The following FUBP1 variants were observed in gnomAD, a reference collection of about 807,000 sequenced individuals.
FUBP1 encodes far upstream element-binding protein 1.
FUBP1 carries 16 observed loss-of-function variants against 94.9 expected under a neutral mutation model. That is an observed-to-expected ratio of 0.17 (90% CI 0.11 to 0.26). The LOEUF is 0.26. Among genes scored for constraint, FUBP1 ranks in the 10% least tolerant of loss-of-function variants. The pLI is 1.00. For synonymous variants in FUBP1, 279 were observed against 254.9 expected (o/e 1.09, Z -0.90); for missense variants, 583 against 808.6 (o/e 0.72, Z 3.38).
Position 77,948,170 on chromosome 1 carries a change from CAGAA to C in FUBP1, c.*592_*595del, listed in dbSNP as rs1652578080. On this transcript the variant is annotated 3_prime_UTR_variant, in exon 20 of 20. Transcript: ENST00000370768. ...TACACACATGCAGTTTTTAATCAAA[CAGAA>C]GGAAAAAAAATGAAGATATCAGGAT... 1 of 1,041,464 alleles carries C rather than the reference CAGAA, an allele frequency of 9.6e-7. No homozygotes were observed. Among genetic ancestry groups the C allele is most frequent in the Non-Finnish European group, 1.2e-6 (1 of 864,002 alleles). 64.5% of individuals were successfully genotyped at this position (1,041,464 alleles called of 1,614,324 possible). A position where few individuals can be genotyped will look rare whatever the true frequency, so the allele number is the denominator to read the frequency against.
chr1:77,975,127 G>C (rs1472270029), intron 1 of FUBP1, among the ~76,000 whole-genome samples: 2 of 152,120 alleles, frequency 1.3e-5, no homozygotes, highest in South Asian at 4.1e-4. Context: ...TCTGATCCAT[G>C]GTTGGCTGAA....
At chr1:77,976,757 T>A (rs1354052795) in intron 1 of FUBP1, among the ~76,000 whole-genome samples, 2 of 152,208 alleles carry the variant, frequency 1.3e-5, no homozygotes, top group Non-Finnish European at 2.9e-5. Flanking sequence ...CCTCCCAAAG[T>A]GCTGGGACTA....
At chr1:77,978,200 G>A (rs551184522) in intron 1 of FUBP1, among the ~76,000 whole-genome samples, 3 of 152,254 alleles carry the variant, frequency 2.0e-5, no homozygotes, top group East Asian at 3.9e-4. Flanking sequence ...GTGCCTTCAG[G>A]GCAAATGCAC....
rs1652210676 is a variant in FUBP1, at chr1:77,946,633, T to C, written c.*2133A>G. On this transcript the variant is annotated 3_prime_UTR_variant, in exon 20 of 20. Transcript: ENST00000370768. ...ATTAATAAAGATTTTAAACCTTAAATGAATCAAAATCAACAGCCTCCAATT... is the reference window on the plus strand; with the variant it reads ...ATTAATAAAGATTTTAAACCTTAAACGAATCAAAATCAACAGCCTCCAATT... 4.9e-6 allele frequency: 1 copy of C among 204,546 alleles called. No homozygotes were observed. Among genetic ancestry groups the C allele is most frequent in the Non-Finnish European group, 1.0e-5 (1 of 99,534 alleles). 12.7% of individuals were successfully genotyped at this position (204,546 alleles called of 1,614,324 possible).
chr1:77,977,568 G>T (rs986061669), intron 1 of FUBP1, among the ~76,000 whole-genome samples: 2 of 152,148 alleles, frequency 1.3e-5, no homozygotes, highest in African/African-American at 4.8e-5. Flanking sequence ...TACAGTGTGC[G>T]ATACCAATTA....
chr1:77,973,271 A>T (rs1657935440), intron 1 of FUBP1, among the ~76,000 whole-genome samples: 1 of 152,084 alleles, frequency 6.6e-6, no homozygotes, highest in Non-Finnish European at 1.5e-5. Context: ...TTTGAGATGG[A>T]GTCTCAAGAT....
At position 77,956,687 on chromosome 1, in the gene FUBP1, C is replaced by A; in HGVS notation, c.1590G>T (p.Thr530=). The A allele has an allele frequency of 1.9e-6, 3 of 1,611,734 alleles. No homozygotes were observed. Among genetic ancestry groups the A allele is most frequent in the Non-Finnish European group, 1.7e-6 (2 of 1,178,348 alleles). ...CAGCCCAAGCTGCTGAATTTGGATC[C>A]GTTCCTGCCTTAGCTAAAATAAATG... ...QAPPDPAKAG[T]DPNSAAWAAY... is the part of the protein sequence containing the mutation. The change falls in exon 17 of 20, where the codon ACG becomes ACT. Residue 530 remains threonine (T), a synonymous_variant. Coordinates refer to ENST00000370768, the MANE Select transcript of FUBP1 (RefSeq NM_003902.5).
In FUBP1 at chr1:77,960,379, T is replaced by C. The variant is rs766888088; in HGVS notation, c.1461A>G (p.Ala487=). Residue 487 remains alanine, a synonymous_variant, in exon 15 of 20, where the codon GCA becomes GCG. Transcript: ENST00000370768. Reference sequence around the variant, plus strand: ...GGCCTGGTGGTCCAGGATTATAAGGTGCAGGGTTGTATGGTCCCATTGGAG... The same window carrying C: ...GGCCTGGTGGTCCAGGATTATAAGGCGCAGGGTTGTATGGTCCCATTGGAG... ...PGTPMGPYNP[A]PYNPGPPGPA... 6.2e-7 allele frequency: 1 copy of C among 1,606,270 alleles called. No homozygotes were observed. Among genetic ancestry groups the C allele is most frequent in the Non-Finnish European group, 8.5e-7 (1 of 1,178,524 alleles).
chr1:77,958,428 A>C (rs1654866928), intron 16 of FUBP1, among the ~76,000 whole-genome samples: 1 of 152,230 alleles, frequency 6.6e-6, no homozygotes, highest in Non-Finnish European at 1.5e-5. Flanking sequence ...TGACCACTAC[A>C]TAAATCCATT....
At chr1:77,957,431 C>T (rs1385004229) in intron 16 of FUBP1, among the ~76,000 whole-genome samples, 1 of 152,164 alleles carries the variant, frequency 6.6e-6, no homozygotes, top group Non-Finnish European at 1.5e-5. Flanking sequence ...AATCACTATG[C>T]CCGTGTCTCG....
intron 1 of FUBP1, among the ~76,000 whole-genome samples, chr1:77,972,377 C>T: frequency 6.6e-6 from 1 of 152,236 alleles, no homozygotes; most frequent in East Asian, 1.9e-4. Context: ...AACTCCAAGA[C>T]ACTTCTATAC....
chr1:77,962,114 C>T (rs1250969495), intron 14 of FUBP1, among the ~76,000 whole-genome samples: 1 of 152,150 alleles, frequency 6.6e-6, no homozygotes, highest in African/African-American at 2.4e-5. Context: ...GCCTCACTTA[C>T]AAAAAAGCAG....
At position 77,964,905 on chromosome 1, in the gene FUBP1, GT is replaced by G. The variant is rs1446175276; in HGVS notation, c.699del (p.Lys233AsnfsTer20). The G allele has an allele frequency of 6.2e-7, 1 of 1,610,856 alleles. No homozygotes were observed. The highest frequency in any genetic ancestry group is 1.3e-5 in the African/African-American group (1 of 74,820). ...TATGGGTCTCCTGTAATCCTAAGAG[GT>G]TTGTCAGCACCAGTGTTCTGCGGCC... ...QDGPQNTGAD[K>X]PLRITGDPYK... On this transcript the variant is annotated frameshift_variant, in exon 9 of 20. Transcript: ENST00000370768. LOFTEE classifies it high-confidence loss of function.
Position 77,947,689 on chromosome 1 carries a change from G to T in FUBP1, c.*1077C>A. The T allele has an allele frequency of 1.7e-6, 1 of 580,790 alleles. No homozygotes were observed. The highest frequency in any genetic ancestry group is 1.9e-5 in the African/African-American group (1 of 53,196). 36.0% of individuals were successfully genotyped at this position (580,790 alleles called of 1,614,324 possible). On this transcript the variant is annotated 3_prime_UTR_variant, in exon 20 of 20. Coordinates refer to ENST00000370768, the MANE Select transcript of FUBP1 (RefSeq NM_003902.5). ...AGAACTTCAGCATGAGTGTTAAAGA[G>T]TAATAAAATGACTTCAAGTACATAA...
chr1:77,944,318 G>GAA lies in FUBP1; in HGVS notation c.*4446_*4447dup, dbSNP rs1004949086. On this transcript the variant is annotated 3_prime_UTR_variant, in exon 20 of 20. Coordinates refer to ENST00000370768, the MANE Select transcript of FUBP1 (RefSeq NM_003902.5). ...ACGAAAATGCATCGAGCATGCATAA[G>GAA]AAAATATATATATATATATGCGCAA... 13 of 195,152 alleles carry GAA rather than the reference G, an allele frequency of 6.7e-5. No homozygotes were observed. The highest frequency in any genetic ancestry group is 2.9e-4 in the African/African-American group (12 of 41,450). The allele number at this position is 195,152 out of a possible 1,614,324, so 12.1% of individuals were successfully genotyped here. A position where few individuals can be genotyped will look rare whatever the true frequency, so the allele number is the denominator to read the frequency against.
Position 77,946,816 on chromosome 1 carries a change from T to C in FUBP1, c.*1950A>G, listed in dbSNP as rs1652252540. 9.8e-6 allele frequency: 2 copies of C among 204,398 alleles called. No homozygotes were observed. The highest frequency in any genetic ancestry group is 1.9e-4 in the South Asian group (1 of 5,288). 12.7% of individuals were successfully genotyped at this position (204,398 alleles called of 1,614,324 possible). A position where few individuals can be genotyped will look rare whatever the true frequency, so the allele number is the denominator to read the frequency against. On this transcript the variant is annotated 3_prime_UTR_variant, in exon 20 of 20. Transcript: ENST00000370768. ...TTAAAGATAACAAATAGCTAACTCC[T>C]TAACTATTAAACTTCATACTAGAAC...
intron 12 of FUBP1, among the ~76,000 whole-genome samples, 154 bp downstream of exon 12, chr1:77,963,908 C>T (rs1360384204): frequency 2.6e-5 from 4 of 152,212 alleles, no homozygotes; most frequent in South Asian, 2.1e-4. Flanking sequence ...AGTAGTTCTT[C>T]CTGCTCCAAG....
At chr1:77,966,849 G>A (rs777574181) in intron 6 of FUBP1, 35 bp downstream of exon 6, 6 of 1,350,878 alleles carry the variant, frequency 4.4e-6, no homozygotes, top group Middle Eastern at 1.8e-4. Context: ...TAGTTTTCTA[G>A]TCACACTGAA....
At chr1:77,965,292 G>A in intron 7 of FUBP1, 61 bp from the exon 8 acceptor site, 1 of 1,184,436 alleles carries the variant, frequency 8.4e-7, no homozygotes, top group Non-Finnish European at 1.2e-6. Flanking sequence ...TTCAAATAGA[G>A]AAATATAAAA....
Sources: allele counts gnomAD v4.1 joint callset (sites outside exome capture counted in the v4.1 genomes callset), GRCh38; gene constraint gnomAD v4.1.1; transcripts MANE v1.5; gene names NCBI Gene and HGNC (gene_info 2026-07-23, HGNC 2026-07-21).